CCDC7: variants seen among roughly 807,000 people sequenced by gnomAD.
The protein encoded by CCDC7 is coiled-coil domain containing 7.
Under a neutral mutation model 196.9 loss-of-function variants are expected in CCDC7, and 183 were observed. That is an observed-to-expected ratio of 0.93 (90% CI 0.82 to 1.05). The LOEUF (loss-of-function observed/expected upper bound fraction) is 1.05, where lower values mean the gene tolerates loss of function less well. Ranked by LOEUF, CCDC7 falls within the 50% of genes least tolerant of loss-of-function variation. The pLI is 0.00. For synonymous variants in CCDC7, 525 were observed against 484.6 expected, an observed-to-expected ratio of 1.08 and a Z score of -1.10; for missense variants, 1,540 against 1,482.2, an observed-to-expected ratio of 1.04 and a Z score of -0.64.
chr10:32,802,854 T>G (rs2085081307), intron 29 of CCDC7, among the ~76,000 whole-genome samples: 2 of 152,350 alleles, frequency 1.3e-5, no homozygotes, highest in South Asian at 4.1e-4. Context: ...TAAGCCAGTT[T>G]AGTCTTTCAC....
At chr10:32,581,135 C>T (rs934792089) in intron 16 of CCDC7, among the ~76,000 whole-genome samples, 3 of 152,056 alleles carry the variant, frequency 2.0e-5, no homozygotes, top group Admixed American at 2.0e-4. Flanking sequence ...TGAAGACTGT[C>T]ATGTAGAGTG....
At chr10:32,866,046 G>A (rs2094190886) in intron 41 of CCDC7, among the ~76,000 whole-genome samples, 1 of 151,734 alleles carries the variant, frequency 6.6e-6, no homozygotes, top group South Asian at 2.1e-4. Flanking sequence ...ATAGGAATGA[G>A]CACACCTAGC....
intron 9 of CCDC7, chr10:32,513,410 A>G (rs541639104): frequency 6.6e-6 from 1 of 152,112 alleles, no homozygotes; most frequent in Admixed American, 6.5e-5. Flanking sequence ...AATCCTGTCA[A>G]ATATTTAAAG....
chr10:32,658,764 A>T (rs955263025), intron 20 of CCDC7, among the ~76,000 whole-genome samples: 3 of 152,208 alleles, frequency 2.0e-5, no homozygotes, highest in South Asian at 4.1e-4. Flanking sequence ...CCATAAAGAC[A>T]TATATTGCAG....
At chr10:32,476,574 C>A (rs2039016704) in intron 8 of CCDC7, among the ~76,000 whole-genome samples, 1 of 148,864 alleles carries the variant, frequency 6.7e-6, no homozygotes, top group Non-Finnish European at 1.5e-5. Flanking sequence ...TGGGTAAACA[C>A]AAAGGAGCAT....
intron 13 of CCDC7, among the ~76,000 whole-genome samples, chr10:32,545,614 C>A (rs373055716): frequency 4.0e-4 from 61 of 152,096 alleles, no homozygotes; most frequent in African/African-American, 1.4e-3. Flanking sequence ...TGTCAAATTT[C>A]GTATGTCTGG....
At chr10:32,839,232 A>G (rs1344615794) in intron 33 of CCDC7, among the ~76,000 whole-genome samples, 2 of 151,880 alleles carry the variant, frequency 1.3e-5, no homozygotes, top group African/African-American at 4.8e-5. Context: ...TGCAGAATAG[A>G]TAAGAAAAAC....
chr10:32,470,221 C>T (rs937820423), intron 5 of CCDC7, among the ~76,000 whole-genome samples: 3 of 152,120 alleles, frequency 2.0e-5, no homozygotes, highest in East Asian at 1.9e-4. Flanking sequence ...TTGCGAAGTC[C>T]TTGACTTCAT....
intron 24 of CCDC7, among the ~76,000 whole-genome samples, chr10:32,709,538 A>G (rs11009046): frequency 6.6e-6 from 1 of 152,228 alleles, no homozygotes; most frequent in Admixed American, 6.5e-5. Context: ...TGCAGTTTAC[A>G]ATAGGGTTTG....
chr10:32,717,025 A>G (rs2142029142), intron 25 of CCDC7, among the ~76,000 whole-genome samples: 1 of 152,298 alleles, frequency 6.6e-6, no homozygotes, highest in South Asian at 2.1e-4. Flanking sequence ...CTCTGCACCA[A>G]GTGGACCTAA....
At chr10:32,491,666 T>C (rs991626669) in intron 8 of CCDC7, among the ~76,000 whole-genome samples, 2 of 152,164 alleles carry the variant, frequency 1.3e-5, no homozygotes, top group Admixed American at 1.3e-4. Flanking sequence ...CTTCTTTATT[T>C]GAAAATTATG....
At chr10:32,809,633 A>C (rs2086635533) in intron 30 of CCDC7, among the ~76,000 whole-genome samples, 1 of 152,248 alleles carries the variant, frequency 6.6e-6, no homozygotes, top group African/African-American at 2.4e-5. Context: ...AAAAATGCTC[A>C]TCATCACTGG....
At chr10:32,511,279 G>C in intron 9 of CCDC7, 1 of 558,900 alleles carries the variant, frequency 1.8e-6, no homozygotes, top group African/African-American at 2.3e-5. Flanking sequence ...GCGGGGAAAT[G>C]TACTTTTTGA....
At chr10:32,780,325 AAAGAT>A (rs1376483812) in intron 29 of CCDC7, among the ~76,000 whole-genome samples, 1 of 152,238 alleles carries the variant, frequency 6.6e-6, no homozygotes, top group East Asian at 1.9e-4. Context: ...GATCTCTGGC[AAAGAT>A]AAGTCCATGG....
At chr10:32,843,736 G>A (rs2093120464) in intron 33 of CCDC7, among the ~76,000 whole-genome samples, 1 of 151,978 alleles carries the variant, frequency 6.6e-6, no homozygotes, top group African/African-American at 2.4e-5. Flanking sequence ...CACTTGAAAT[G>A]AACCATTCCT....
chr10:32,519,230 G>A lies in CCDC7; in HGVS notation c.993+725G>A, dbSNP rs541581322. 2.0e-5 allele frequency among the ~76,000 whole-genome samples: 3 copies of A among 152,216 alleles called. No individual in the cohort carries two copies. The South Asian group carries it at 6.2e-4, about 32-fold the overall frequency. ...TTTCCTTTAGGTATCATGCCAAATA[G>A]GAATAGAACATTGGTACAAAAAAAC... On this transcript the variant is annotated intron_variant, in intron 11 of 41. Transcript: ENST00000639629.
intron 41 of CCDC7, among the ~76,000 whole-genome samples, chr10:32,866,693 T>C (rs990801713): frequency 1.3e-5 from 2 of 151,518 alleles, no homozygotes; most frequent in Non-Finnish European, 3.0e-5. Context: ...GCTATTTCTT[T>C]CAATAGAATG....
rs562000783 is a variant in CCDC7, at chr10:32,657,674, G to T, written c.2015-6380G>T. Among the ~76,000 whole-genome samples the T allele has an allele frequency of 3.4e-3, 511 of 152,274 alleles. 3 individuals carry two copies. Among genetic ancestry groups the T allele is most frequent in the Non-Finnish European group, 5.8e-3 (397 of 68,024 alleles). ...CTGTGATGGGAGGGGCTGCTGTGAA[G>T]GTCTCTGACATGACTTGGAGACATT... On this transcript the variant is annotated intron_variant, in intron 20 of 41. Transcript: ENST00000639629.
At chr10:32,714,910 A>G (rs1376014705) in intron 25 of CCDC7, among the ~76,000 whole-genome samples, 1 of 152,194 alleles carries the variant, frequency 6.6e-6, no homozygotes, top group Non-Finnish European at 1.5e-5. Context: ...AGGGGCTTAT[A>G]GATAAAACTC....
Sources: allele counts gnomAD v4.1 joint callset (sites outside exome capture counted in the v4.1 genomes callset), GRCh38; gene constraint gnomAD v4.1.1; transcripts MANE v1.5; gene names NCBI Gene and HGNC (gene_info 2026-07-23, HGNC 2026-07-21).